Variants in ME1 observed in about 807,000 individuals in gnomAD.
The protein encoded by ME1 is malic enzyme 1.
ME1 carries 74 observed loss-of-function variants against 66.4 expected under a neutral mutation model. The observed-to-expected ratio is 1.11, with a 90% confidence interval of 0.92 to 1.35. The LOEUF (loss-of-function observed/expected upper bound fraction) is 1.35, where lower values mean the gene tolerates loss of function less well. Among genes scored for constraint, ME1 ranks in the 40% most tolerant of loss-of-function variants. ME1 has a pLI of 0.00. For missense variants in ME1, 750 were observed against 694.1 expected, an observed-to-expected ratio of 1.08 and a Z score of -0.90; for synonymous variants, 251 against 235.6, an observed-to-expected ratio of 1.07 and a Z score of -0.60.
At chr6:83,243,796 T>A (rs895705448) in intron 7 of ME1, among the ~76,000 whole-genome samples, 9 of 135,558 alleles carry the variant, frequency 6.6e-5, no homozygotes, top group African/African-American at 2.5e-4. Context: ...TTATCTTATA[T>A]TTATATATTA....
chr6:83,213,198 G>A (rs1220244880), intron 13 of ME1, among the ~76,000 whole-genome samples: 2 of 151,716 alleles, frequency 1.3e-5, no homozygotes, highest in Non-Finnish European at 2.9e-5. Context: ...GCCGAGGCAG[G>A]TGGATCACCT....
intron 1 of ME1, among the ~76,000 whole-genome samples, chr6:83,428,150 A>G (rs968532336): frequency 1.3e-5 from 2 of 152,224 alleles, no homozygotes; most frequent in Non-Finnish European, 2.9e-5. Flanking sequence ...TCATTATTAA[A>G]TCAACTAAGA....
At chr6:83,251,587 C>T (rs1370962507) in intron 7 of ME1, among the ~76,000 whole-genome samples, 1 of 152,014 alleles carries the variant, frequency 6.6e-6, no homozygotes, top group Non-Finnish European at 1.5e-5. Flanking sequence ...GTGGAATTGA[C>T]CCAGACCCAG....
intron 5 of ME1, among the ~76,000 whole-genome samples, chr6:83,328,116 C>T (rs1768337441): frequency 6.6e-6 from 1 of 152,210 alleles, no homozygotes; most frequent in Admixed American, 6.6e-5. Context: ...CACATATACA[C>T]CATGGAATAC....
At chr6:83,430,848 T>C (rs1770472511) in intron 1 of ME1, 29 bp downstream of exon 1, 2 of 1,570,334 alleles carry the variant, frequency 1.3e-6, no homozygotes, top group African/African-American at 1.4e-5. Flanking sequence ...GAGGGGCCGA[T>C]GGGCGGCCAG....
intron 3 of ME1, among the ~76,000 whole-genome samples, chr6:83,382,380 G>A (rs1200317933): frequency 6.6e-6 from 1 of 152,116 alleles, no homozygotes; most frequent in Non-Finnish European, 1.5e-5. Context: ...TTAAAAGACT[G>A]TAAAGAAATG....
intron 6 of ME1, among the ~76,000 whole-genome samples, chr6:83,258,856 A>G (rs575447855): frequency 6.6e-6 from 1 of 152,320 alleles, no homozygotes. Context: ...ACCACAGAGC[A>G]CCAACAGAGT....
chr6:83,228,854 A>T lies in ME1; in HGVS notation c.1104T>A (p.Val368=). ...HEEMKNLEAI[V]QEIKPTALIG... is the part of the protein sequence containing the mutation. ...TGAGGGCAGTTGGTTTTATTTCTTG[A>T]ACAATGGCTTCTAGGTTCTTCATTT... The change falls in exon 10 of 14, where the codon GTT becomes GTA. Residue 368 remains valine, a synonymous_variant. Transcript: ENST00000369705. 1 of 1,612,698 alleles carries T rather than the reference A, an allele frequency of 6.2e-7. No homozygotes were observed. The highest frequency in any genetic ancestry group is 1.1e-5 in the South Asian group (1 of 90,722).
At chr6:83,223,374 C>G (rs939204216) in intron 12 of ME1, among the ~76,000 whole-genome samples, 1 of 152,242 alleles carries the variant, frequency 6.6e-6, no homozygotes, top group East Asian at 1.9e-4. Flanking sequence ...AAGCTGGCCT[C>G]GAACTCCTGG....
intron 3 of ME1, among the ~76,000 whole-genome samples, chr6:83,369,958 C>T (rs1769166227): frequency 1.3e-5 from 2 of 151,698 alleles, no homozygotes; most frequent in South Asian, 4.2e-4. Flanking sequence ...TTTAGGGGTT[C>T]CTTTAGGAAA....
At chr6:83,266,087 A>G (rs1324015850) in intron 6 of ME1, among the ~76,000 whole-genome samples, 1 of 152,214 alleles carries the variant, frequency 6.6e-6, no homozygotes, top group Non-Finnish European at 1.5e-5. Context: ...CAAAAGCATT[A>G]TAAACATTAG....
chr6:83,211,813 G>C lies in ME1; in HGVS notation c.*111C>G, dbSNP rs1044138316. 1.1e-4 allele frequency: 79 copies of C among 694,878 alleles called. No individual in the cohort carries two copies. The highest frequency in any genetic ancestry group is 1.5e-5 in the Non-Finnish European group (7 of 476,214). 43.0% of individuals were successfully genotyped at this position (694,878 alleles called of 1,614,324 possible). ...TTCTATCAATTTTTAGACTGTTAAA[G>C]TAAAATCTTAATCTAAGTGTCTTAT... On this transcript the variant is annotated 3_prime_UTR_variant, in exon 14 of 14. Transcript: ENST00000369705.
intron 2 of ME1, 46 bp downstream of exon 2, chr6:83,407,722 C>T (rs202168518): frequency 1.1e-5 from 16 of 1,477,276 alleles, no homozygotes; most frequent in South Asian, 3.0e-5. Flanking sequence ...ATAAACTAGA[C>T]AACTGCATAA....
intron 7 of ME1, among the ~76,000 whole-genome samples, chr6:83,242,858 C>G (rs147900255): frequency 1.3e-3 from 204 of 152,074 alleles, no homozygotes; most frequent in African/African-American, 4.7e-3. Context: ...GAATAAGTGA[C>G]CAGACTGATA....
intron 3 of ME1, among the ~76,000 whole-genome samples, chr6:83,397,749 TG>T (rs1769764979): frequency 6.6e-6 from 1 of 152,090 alleles, no homozygotes; most frequent in Non-Finnish European, 1.5e-5. Context: ...AACAGATGAA[TG>T]GATAAAGAAA....
chr6:83,382,193 G>A (rs1769417661), intron 3 of ME1, among the ~76,000 whole-genome samples: 1 of 151,994 alleles, frequency 6.6e-6, no homozygotes, highest in Admixed American at 6.6e-5. Flanking sequence ...AACACAAACA[G>A]TACTCATGTA....
At chr6:83,394,392 A>T (rs919472835) in intron 3 of ME1, among the ~76,000 whole-genome samples, 7 of 152,156 alleles carry the variant, frequency 4.6e-5, no homozygotes, top group Non-Finnish European at 2.9e-5. Flanking sequence ...AAATTATATG[A>T]ATGTATTAAA....
At chr6:83,374,942 T>C (rs1769258922) in intron 3 of ME1, among the ~76,000 whole-genome samples, 1 of 152,168 alleles carries the variant, frequency 6.6e-6, no homozygotes, top group Non-Finnish European at 1.5e-5. Context: ...TCTATTCTGT[T>C]CCATTGGTCT....
intron 5 of ME1, among the ~76,000 whole-genome samples, chr6:83,322,520 A>G (rs1023388871): frequency 4.6e-5 from 7 of 152,152 alleles, no homozygotes; most frequent in Admixed American, 4.6e-4. Context: ...CACAAGTATC[A>G]ATAGCTGAAT....
Sources: allele counts gnomAD v4.1 joint callset (sites outside exome capture counted in the v4.1 genomes callset), GRCh38; gene constraint gnomAD v4.1.1; transcripts MANE v1.5; gene names NCBI Gene and HGNC (gene_info 2026-07-23, HGNC 2026-07-21).